ALDH1A2: variants seen among roughly 807,000 people sequenced by gnomAD.
ALDH1A2 encodes the protein retinal dehydrogenase 2.
Under a neutral mutation model 60.3 loss-of-function variants are expected in ALDH1A2, and 27 were observed. The ratio of observed to expected loss-of-function variants is 0.45; its 90% CI spans 0.33 to 0.62. The LOEUF is 0.62. ALDH1A2 is among the 20% of genes least tolerant of loss of function. ALDH1A2 has a pLI of 0.02. For synonymous variants in ALDH1A2, 289 were observed against 232.4 expected, an observed-to-expected ratio of 1.24 and a Z score of -2.21; for missense variants, 581 against 643.8, an observed-to-expected ratio of 0.90 and a Z score of 1.06.
chr15:57,992,924 C>T, intron 6 of ALDH1A2, 21 bp downstream of exon 6: 1 of 1,614,048 alleles, frequency 6.2e-7, no homozygotes, highest in Non-Finnish European at 8.5e-7. Context: ...CAGAAGCACT[C>T]CCGAAGTCCG....
At chr15:57,955,350 G>T in intron 12 of ALDH1A2, 81 bp from the exon 13 acceptor site, 1 of 1,443,208 alleles carries the variant, frequency 6.9e-7, no homozygotes, top group Non-Finnish European at 9.7e-7. Context: ...CTGGGGAGGT[G>T]CAGTTTATCA....
At chr15:57,980,082 G>A (rs1894435225) in intron 7 of ALDH1A2, 1 of 299,916 alleles carries the variant, frequency 3.3e-6, no homozygotes, top group South Asian at 3.7e-5. Context: ...TCACACAGAT[G>A]CCTCTTCACG....
chr15:58,046,768 A>G (rs1896648925), intron 1 of ALDH1A2, among the ~76,000 whole-genome samples: 1 of 152,026 alleles, frequency 6.6e-6, no homozygotes, highest in Non-Finnish European at 1.5e-5. Flanking sequence ...TGCTGGCTTC[A>G]TTTGGTTTCC....
chr15:57,990,800 TG>T (rs1379600634), intron 7 of ALDH1A2, among the ~76,000 whole-genome samples: 1 of 136,730 alleles, frequency 7.3e-6, no homozygotes, highest in African/African-American at 2.7e-5. Context: ...CGCTTGAACC[TG>T]GGGGGCGGAG....
chr15:57,957,367 C>T (rs1893562559), intron 12 of ALDH1A2, among the ~76,000 whole-genome samples: 1 of 152,180 alleles, frequency 6.6e-6, no homozygotes. Flanking sequence ...AGAAGCTCTA[C>T]GGAGGGACCA....
rs1281504761 is a variant in ALDH1A2 at position 57,954,687 on chromosome 15, C to T, written c.*510G>A. On this transcript the variant is annotated 3_prime_UTR_variant, in exon 13 of 13. Transcript: ENST00000249750. ...TGTTTTGCTTTGAAGAAATGGATAA[C>T]ATGAAATGATAATTTGGCTTTACAA... 5.3e-6 allele frequency: 1 copy of T among 188,604 alleles called. No homozygotes were observed. The highest frequency in any genetic ancestry group is 1.1e-4 in the East Asian group (1 of 8,710). The allele number at this position is 188,604 out of a possible 1,614,324, so 11.7% of individuals were successfully genotyped here.
intron 1 of ALDH1A2, among the ~76,000 whole-genome samples, chr15:58,023,506 G>A (rs1438836880): frequency 6.6e-6 from 1 of 152,106 alleles, no homozygotes; most frequent in Non-Finnish European, 1.5e-5. Context: ...TTATCAGACT[G>A]TCTGAAGTCA....
chr15:57,959,150 A>G (rs765980695), intron 12 of ALDH1A2, among the ~76,000 whole-genome samples: 2 of 152,180 alleles, frequency 1.3e-5, no homozygotes, highest in Admixed American at 6.5e-5. Context: ...ATTTATTGAA[A>G]GTATATTTTA....
chr15:57,961,005 G>A (rs1179364478), intron 11 of ALDH1A2, 132 bp downstream of exon 11: 5 of 1,363,406 alleles, frequency 3.7e-6, no homozygotes, highest in African/African-American at 1.4e-5. Flanking sequence ...TAAGCAGTAA[G>A]GAGTGTACCC....
At chr15:57,973,015 G>A (rs1404121160) in intron 7 of ALDH1A2, among the ~76,000 whole-genome samples, 3 of 152,122 alleles carry the variant, frequency 2.0e-5, no homozygotes, top group South Asian at 2.1e-4. Flanking sequence ...CCCCAGCTGC[G>A]TAAATTAGAA....
chr15:58,065,659 G>T lies in ALDH1A2; in HGVS notation c.-9C>A. 2.5e-6 allele frequency: 4 copies of T among 1,576,238 alleles called. No individual in the cohort carries two copies. Among genetic ancestry groups the T allele is most frequent in the Non-Finnish European group, 3.5e-6 (4 of 1,159,090 alleles). On this transcript the variant is annotated 5_prime_UTR_variant, in exon 1 of 13. Coordinates refer to ENST00000249750, the MANE Select transcript of ALDH1A2 (RefSeq NM_003888.4). ...ATCTTGCTGGAAGTCATGGTGGCGG[G>T]CCGGGTGTCCCTAGCCCGCGGCGTG...
intron 7 of ALDH1A2, among the ~76,000 whole-genome samples, chr15:57,974,432 C>CAAAA (rs61170362): frequency 1.5e-3 from 139 of 95,380 alleles, no homozygotes; most frequent in East Asian, 3.1e-3. Flanking sequence ...GACTCCATCT[C>CAAAA]AAAAAAAAAA....
intron 4 of ALDH1A2, among the ~76,000 whole-genome samples, chr15:58,004,361 A>G (rs1348961911): frequency 6.6e-6 from 1 of 151,866 alleles, no homozygotes; most frequent in Non-Finnish European, 1.5e-5. Flanking sequence ...GTTTATGTGC[A>G]GATTTGTTAC....
chr15:58,054,386 C>A (rs910662411), intron 1 of ALDH1A2, among the ~76,000 whole-genome samples: 7 of 152,152 alleles, frequency 4.6e-5, no homozygotes, highest in African/African-American at 1.7e-4. Flanking sequence ...ATTTTTCAAT[C>A]ATTTATAATG....
intron 1 of ALDH1A2, among the ~76,000 whole-genome samples, chr15:58,020,725 T>C (rs1329151272): frequency 1.3e-5 from 2 of 152,176 alleles, no homozygotes; most frequent in Admixed American, 6.5e-5. Context: ...CTTGATCAAA[T>C]GTAGTATTTA....
chr15:57,977,260 A>C (rs1159163595), intron 7 of ALDH1A2, among the ~76,000 whole-genome samples: 35 of 151,930 alleles, frequency 2.3e-4, no homozygotes, highest in African/African-American at 8.2e-4. Context: ...GTTTAATTAG[A>C]TCCCGTTTGT....
At chr15:58,064,170 T>C (rs531648540) in intron 1 of ALDH1A2, among the ~76,000 whole-genome samples, 1 of 152,184 alleles carries the variant, frequency 6.6e-6, no homozygotes, top group Non-Finnish European at 1.5e-5. Context: ...AAAATAAAAC[T>C]TCTAAGCTGC....
At chr15:58,014,390 A>G (rs750121802) in intron 1 of ALDH1A2, 109 bp from the exon 2 acceptor site, 24 of 882,938 alleles carry the variant, frequency 2.7e-5, no homozygotes, top group Admixed American at 2.0e-4. Context: ...GTATAATAAA[A>G]GTATACAATT....
At chr15:58,014,308 T>A (rs1329618071) in intron 1 of ALDH1A2, 27 bp from the exon 2 acceptor site, 2 of 1,572,816 alleles carry the variant, frequency 1.3e-6, no homozygotes, top group African/African-American at 1.3e-5. Context: ...CAGAATGGGA[T>A]CTGTGACACA....
Sources: gnomAD v4.1 joint callset for allele counts (sites outside exome capture counted in the v4.1 genomes callset) on GRCh38, gnomAD v4.1.1 for gene constraint, MANE v1.5 for transcripts, NCBI Gene and HGNC (gene_info 2026-07-23, HGNC 2026-07-21) for gene names.